The following DSCAML1 variants were observed in gnomAD, a reference collection of about 807,000 sequenced individuals.
DSCAML1 encodes cell adhesion molecule DSCAML1.
A neutral mutation model predicts 200.5 loss-of-function variants in DSCAML1; 38 were observed. That is an observed-to-expected ratio of 0.19 (90% CI 0.15 to 0.25). The LOEUF (loss-of-function observed/expected upper bound fraction) is 0.25. Among genes scored for constraint, DSCAML1 ranks in the 10% least tolerant of loss-of-function variants. The probability of loss-of-function intolerance (pLI) is 1.00; values close to 1 mark genes in which losing one functional copy is unlikely to be tolerated. For synonymous variants in DSCAML1, 1,215 were observed against 1,165.0 expected (o/e 1.04, Z -0.87); for missense variants, 2,223 against 2,858.8 (o/e 0.78, Z 5.07).
chr11:117,747,663 T>C (rs2054540014), intron 3 of DSCAML1, among the ~76,000 whole-genome samples: 1 of 152,218 alleles, frequency 6.6e-6, no homozygotes, highest in African/African-American at 2.4e-5. Flanking sequence ...AGGGGCTACC[T>C]GAGTCAGGGA....
intron 3 of DSCAML1, among the ~76,000 whole-genome samples, chr11:117,680,010 T>C (rs2137691422): frequency 6.6e-6 from 1 of 152,296 alleles, no homozygotes; most frequent in Non-Finnish European, 1.5e-5. Context: ...TGGATTCCCA[T>C]TTCCTTCCAC....
intron 3 of DSCAML1, among the ~76,000 whole-genome samples, chr11:117,690,254 G>A (rs2053473136): frequency 1.3e-5 from 2 of 152,266 alleles, no homozygotes; most frequent in Non-Finnish European, 2.9e-5. Context: ...GGGGCACTGT[G>A]ATCCCTGCCC....
intron 3 of DSCAML1, among the ~76,000 whole-genome samples, chr11:117,555,024 C>T (rs1201670962): frequency 6.6e-6 from 1 of 152,240 alleles, no homozygotes; most frequent in Non-Finnish European, 1.5e-5. Flanking sequence ...AGACCCCACA[C>T]TCTGTGCCTC....
At chr11:117,454,486 C>T (rs980216226) in intron 19 of DSCAML1, among the ~76,000 whole-genome samples, 1 of 151,942 alleles carries the variant, frequency 6.6e-6, no homozygotes, top group African/African-American at 2.4e-5. Flanking sequence ...GGTTTTTTTC[C>T]CCTAGATTTT....
intron 3 of DSCAML1, among the ~76,000 whole-genome samples, chr11:117,727,223 T>G (rs2054147517): frequency 6.6e-6 from 1 of 152,186 alleles, no homozygotes. Flanking sequence ...AGGTTGATGA[T>G]AAAAGTTCTG....
chr11:117,641,925 C>G (rs1265887970), intron 3 of DSCAML1, among the ~76,000 whole-genome samples: 2 of 152,160 alleles, frequency 1.3e-5, no homozygotes, highest in African/African-American at 4.8e-5. Flanking sequence ...GAAACTGAGA[C>G]TCAGGGACCT....
At chr11:117,486,592 G>A (rs532826319) in intron 11 of DSCAML1, among the ~76,000 whole-genome samples, 25 of 152,204 alleles carry the variant, frequency 1.6e-4, no homozygotes, top group Non-Finnish European at 2.8e-4. Context: ...TTCCTTCCAG[G>A]CCTTGCCCCT....
intron 3 of DSCAML1, among the ~76,000 whole-genome samples, chr11:117,618,823 G>A (rs558213338): frequency 6.6e-6 from 1 of 152,096 alleles, no homozygotes; most frequent in Non-Finnish European, 1.5e-5. Context: ...TGTGTTAAGC[G>A]GCCCAAGACC....
In DSCAML1 at chr11:117,477,349, A is replaced by AGTGTGT. The variant is rs5795087; in HGVS notation, c.2785+3088_2785+3093dup. Among the ~76,000 whole-genome samples the AGTGTGT allele has an allele frequency of 9.2e-3, 1,284 of 140,150 alleles. 7 individuals are homozygous for AGTGTGT. The highest frequency in any genetic ancestry group is 0.012 in the East Asian group (55 of 4,528). 91.9% of individuals were successfully genotyped at this position (140,150 alleles called of 152,430 possible). ...GATAGTGCTTTGTAATGGTTCTGAAAGTGTGTGTGTGTGTGTGTGTGTGTG... is the reference window on the plus strand; with the variant it reads ...GATAGTGCTTTGTAATGGTTCTGAAAGTGTGTGTGTGTGTGTGTGTGTGTGTGTGTG... On this transcript the variant is annotated intron_variant, in intron 14 of 32. Coordinates refer to ENST00000651296, the MANE Select transcript of DSCAML1 (RefSeq NM_020693.4).
chr11:117,676,594 T>C (rs900945285), intron 3 of DSCAML1, among the ~76,000 whole-genome samples: 2 of 152,096 alleles, frequency 1.3e-5, no homozygotes, highest in Admixed American at 6.6e-5. Context: ...TCCTAACCCC[T>C]CAGAAGCTGT....
At chr11:117,668,839 A>G (rs2053037200) in intron 3 of DSCAML1, 1 of 152,216 alleles carries the variant, frequency 6.6e-6, no homozygotes, top group African/African-American at 2.4e-5. Flanking sequence ...GGAGTTAATA[A>G]AAAGAAATGA....
chr11:117,501,880 G>A (rs2137270194), intron 11 of DSCAML1, among the ~76,000 whole-genome samples: 1 of 152,258 alleles, frequency 6.6e-6, no homozygotes, highest in Admixed American at 6.5e-5. Context: ...GAGGACATGG[G>A]GGAGGAAAGG....
chr11:117,778,215 G>T (rs1158537261), intron 2 of DSCAML1, among the ~76,000 whole-genome samples: 1 of 152,260 alleles, frequency 6.6e-6, no homozygotes, highest in Non-Finnish European at 1.5e-5. Context: ...AGAAAGAGAA[G>T]AGAGGAGAGG....
chr11:117,650,194 G>C (rs767083917), intron 3 of DSCAML1, among the ~76,000 whole-genome samples: 1 of 152,164 alleles, frequency 6.6e-6, no homozygotes, highest in Admixed American at 6.5e-5. Flanking sequence ...GATCTCCAGG[G>C]TGCGGCCCAG....
chr11:117,725,964 A>G (rs566848299), intron 3 of DSCAML1, among the ~76,000 whole-genome samples: 1 of 152,056 alleles, frequency 6.6e-6, no homozygotes, highest in East Asian at 1.9e-4. Flanking sequence ...GGTCCCATGC[A>G]CTCCCCACCA....
intron 3 of DSCAML1, among the ~76,000 whole-genome samples, chr11:117,751,531 C>T (rs2054605187): frequency 6.6e-6 from 1 of 151,932 alleles, no homozygotes; most frequent in Non-Finnish European, 1.5e-5. Context: ...GGCACCATCT[C>T]GGGGCTTGGA....
chr11:117,716,841 C>T (rs1429425509), intron 3 of DSCAML1, among the ~76,000 whole-genome samples: 3 of 152,186 alleles, frequency 2.0e-5, no homozygotes, highest in East Asian at 3.8e-4. Flanking sequence ...GTATTGTCCA[C>T]AGCTGCTTGT....
rs764184879 is a variant in DSCAML1, at chr11:117,526,282, C to T, written c.659-1199G>A. Among the ~76,000 whole-genome samples the T allele has an allele frequency of 3.9e-5, 6 of 152,290 alleles. 1 individual carries two copies. The highest frequency in any genetic ancestry group is 1.2e-4 in the African/African-American group (5 of 41,556). On this transcript the variant is annotated intron_variant, in intron 4 of 32. Transcript: ENST00000651296. ...CCTTCTATGATCTGGGCCAGTGAGT[C>T]GGCCTGGCCTGCCTACACTGTCCCC... is the stretch of plus-strand genomic sequence containing the variant.
intron 3 of DSCAML1, among the ~76,000 whole-genome samples, chr11:117,536,517 G>A (rs2050174021): frequency 6.6e-6 from 1 of 152,272 alleles, no homozygotes; most frequent in Non-Finnish European, 1.5e-5. Context: ...ACTTGGACAG[G>A]TTGGGGGAGG....
Sources: gnomAD v4.1 joint callset for allele counts (sites outside exome capture counted in the v4.1 genomes callset) on GRCh38, gnomAD v4.1.1 for gene constraint, MANE v1.5 for transcripts, NCBI Gene and HGNC (gene_info 2026-07-23, HGNC 2026-07-21) for gene names.